Variants in ICE1 observed in about 807,000 individuals in gnomAD.
ICE1 encodes interactor of little elongation complex ELL subunit 1, also known as little elongation complex subunit 1.
A neutral mutation model predicts 192.7 loss-of-function variants in ICE1; 64 were observed. That is an observed-to-expected ratio of 0.33 (90% CI 0.27 to 0.41). The LOEUF is 0.41. Ranked by LOEUF, ICE1 falls within the 10% of genes least tolerant of loss-of-function variation. ICE1 has a pLI of 1.00. For missense variants in ICE1, 2,708 were observed against 2,696.0 expected, an observed-to-expected ratio of 1.00 and a Z score of -0.10; for synonymous variants, 1,010 against 984.5, an observed-to-expected ratio of 1.03 and a Z score of -0.49.
intron 11 of ICE1, 73 bp downstream of exon 11, chr5:5,454,711 T>A: frequency 1.0e-6 from 1 of 986,750 alleles, no homozygotes; most frequent in Non-Finnish European, 1.6e-6. Flanking sequence ...TAGCAGCCGT[T>A]ACTTTTTAAT....
chr5:5,451,892 GT>G (rs1472470589), intron 10 of ICE1, among the ~76,000 whole-genome samples: 1 of 152,070 alleles, frequency 6.6e-6, no homozygotes. Context: ...CAGGACTCTT[GT>G]GTTGTTAATA....
intron 1 of ICE1, among the ~76,000 whole-genome samples, chr5:5,428,331 T>A (rs1453221219): frequency 6.6e-6 from 1 of 152,142 alleles, no homozygotes; most frequent in East Asian, 1.9e-4. Context: ...GTGTAGGCTT[T>A]GATTTTAAAT....
At chr5:5,437,271 C>A in intron 3 of ICE1, 157 bp downstream of exon 3, 1 of 524,082 alleles carries the variant, frequency 1.9e-6, no homozygotes, top group Non-Finnish European at 3.4e-6. Context: ...AACAGACAGT[C>A]CTTTTATTCT....
intron 10 of ICE1, among the ~76,000 whole-genome samples, chr5:5,452,517 C>T (rs755278641): frequency 6.6e-6 from 1 of 151,898 alleles, no homozygotes; most frequent in Non-Finnish European, 1.5e-5. Context: ...TCCTTAAAAG[C>T]GTTAAGGAAG....
At chr5:5,438,540 A>G (rs78819342) in intron 3 of ICE1, among the ~76,000 whole-genome samples, 4 of 152,338 alleles carry the variant, frequency 2.6e-5, no homozygotes, top group African/African-American at 9.6e-5. Flanking sequence ...GATATCTTCA[A>G]TTGTTAGTGA....
At chr5:5,423,430 T>G (rs986646746) in intron 1 of ICE1, among the ~76,000 whole-genome samples, 4 of 56,132 alleles carry the variant, frequency 7.1e-5, no homozygotes, top group African/African-American at 3.6e-4. Context: ...GAATCTTACG[T>G]GACATGTGGG....
At chr5:5,456,503 C>A (rs909908869) in intron 11 of ICE1, among the ~76,000 whole-genome samples, 1 of 152,022 alleles carries the variant, frequency 6.6e-6, no homozygotes, top group African/African-American at 2.4e-5. Context: ...TTATTTTATT[C>A]GTAAATAATA....
intron 5 of ICE1, among the ~76,000 whole-genome samples, chr5:5,441,523 C>A (rs903236465): frequency 6.6e-6 from 1 of 152,140 alleles, no homozygotes; most frequent in Admixed American, 6.5e-5. Context: ...GATTTTTATA[C>A]CTTTGTTTTT....
chr5:5,489,342 A>G lies in ICE1; in HGVS notation c.*12A>G. 1 of 1,596,892 alleles carries G rather than the reference A, an allele frequency of 6.3e-7. No homozygotes were observed. The highest frequency in any genetic ancestry group is 8.5e-7 in the Non-Finnish European group (1 of 1,172,606). On this transcript the variant is annotated 3_prime_UTR_variant, in exon 19 of 19. Coordinates refer to ENST00000296564, the MANE Select transcript of ICE1 (RefSeq NM_015325.3). ...AGGAGCTTGGCTGACCTGGGATGCC[A>G]CTGAGGCTTGAGAAGTGCCTTGACA... is the stretch of plus-strand genomic sequence containing the variant.
intron 7 of ICE1, among the ~76,000 whole-genome samples, chr5:5,445,306 G>T (rs1039249615): frequency 2.6e-5 from 4 of 152,150 alleles, no homozygotes; most frequent in Admixed American, 2.6e-4. Context: ...CATGAATACT[G>T]ACAATATGGC....
chr5:5,472,551 A>C (rs1739190801), intron 15 of ICE1, among the ~76,000 whole-genome samples: 1 of 152,180 alleles, frequency 6.6e-6, no homozygotes, highest in Non-Finnish European at 1.5e-5. Context: ...GATTTTTCTA[A>C]GTGGGAAATA....
intron 1 of ICE1, among the ~76,000 whole-genome samples, chr5:5,431,907 G>A (rs778237085): frequency 4.0e-5 from 6 of 151,834 alleles, no homozygotes; most frequent in African/African-American, 1.5e-4. Context: ...GGTATGTGGG[G>A]CCTCTTGTGT....
chr5:5,473,529 A>T (rs1739226116), intron 15 of ICE1, 29 bp from the exon 16 acceptor site: 3 of 1,585,826 alleles, frequency 1.9e-6, no homozygotes, highest in Non-Finnish European at 2.6e-6. Flanking sequence ...GAAACTCCAG[A>T]TTTTATTTTA....
At chr5:5,433,055 T>C (rs1282209291) in intron 1 of ICE1, among the ~76,000 whole-genome samples, 2 of 152,206 alleles carry the variant, frequency 1.3e-5, no homozygotes, top group Non-Finnish European at 2.9e-5. Flanking sequence ...ATATTATCTG[T>C]AAGAAGGTAT....
At position 5,468,944 on chromosome 5, in the gene ICE1, G is replaced by A; in HGVS notation, c.6178G>A (p.Gly2060Arg). The change falls in exon 15 of 19, where the codon GGA becomes AGA. Residue 2060 changes from glycine to arginine, a missense_variant. This residue lies in a region of ICE1 where 342 missense variants were observed against 419.3 expected (regional missense o/e 0.82). Coordinates refer to ENST00000296564, the MANE Select transcript of ICE1 (RefSeq NM_015325.3). ...GTTAGTTGCCAGGCAACGTGCTAAA[G>A]GAGAGGTTCTGAACTGCTTGAGAGC... is the stretch of plus-strand genomic sequence containing the variant. ...MQLVARQRAKGEVLNCLRAFL... is the reference protein window; with the variant it reads ...MQLVARQRAKREVLNCLRAFL... The A allele has an allele frequency of 6.2e-7, 1 of 1,605,192 alleles. No homozygotes were observed. Among genetic ancestry groups the A allele is most frequent in the Non-Finnish European group, 8.5e-7 (1 of 1,176,508 alleles).
chr5:5,422,943 G>T lies in ICE1; in HGVS notation c.28G>T (p.Ala10Ser). The T allele has an allele frequency of 6.9e-7, 1 of 1,447,520 alleles. No individual in the cohort carries two copies. The highest frequency in any genetic ancestry group is 1.3e-5 in the South Asian group (1 of 74,330). The allele number at this position is 1,447,520 out of a possible 1,614,324, so 89.7% of individuals were successfully genotyped here. Residue 10 changes from alanine (A) to serine (S), a missense_variant, in exon 1 of 19, where the codon GCG (alanine) becomes TCG (serine). Around this residue, in one of 2 missense-constraint regions of ICE1, gnomAD observed 2,366 missense variants for 2,276.6 expected, o/e 1.04. Coordinates refer to ENST00000296564, the MANE Select transcript of ICE1 (RefSeq NM_015325.3). ...GATGCCGGGCGAGACCCATTCGGCG[G>T]CGCCCGGGACGGCGGCGGACCTGTC... MMPGETHSAAPGTAADLSRC... is the reference protein window; with the variant it reads MMPGETHSASPGTAADLSRC...
At chr5:5,488,977 A>G (rs1579586360) in intron 18 of ICE1, among the ~76,000 whole-genome samples, 172 bp from the exon 19 acceptor site, 1 of 151,928 alleles carries the variant, frequency 6.6e-6, no homozygotes, top group African/African-American at 2.4e-5. Context: ...CTTCTTTTTT[A>G]TTTGTGGACA....
chr5:5,484,849 C>G (rs1739596804), intron 17 of ICE1, among the ~76,000 whole-genome samples: 2 of 152,198 alleles, frequency 1.3e-5, no homozygotes, highest in African/African-American at 4.8e-5. Flanking sequence ...AATGTGAACA[C>G]AGAACGCTGA....
At chr5:5,480,335 C>T (rs1157541535) in intron 17 of ICE1, among the ~76,000 whole-genome samples, 2 of 150,466 alleles carry the variant, frequency 1.3e-5, no homozygotes, top group African/African-American at 4.9e-5. Context: ...CTGCAAGCTC[C>T]GCCTCCCGGG....
Sources: gnomAD v4.1 joint callset for allele counts (sites outside exome capture counted in the v4.1 genomes callset) on GRCh38, gnomAD v4.1.1 for gene constraint, gnomAD v4.1.1 regional missense constraint, MANE v1.5 for transcripts, NCBI Gene and HGNC (gene_info 2026-07-23, HGNC 2026-07-21) for gene names.